The following RAP1GAP2 variants were observed in gnomAD, a reference collection of about 807,000 sequenced individuals.
RAP1GAP2 encodes rap1 GTPase-activating protein 2.
Under a neutral mutation model 95.0 loss-of-function variants are expected in RAP1GAP2, and 27 were observed. That is an observed-to-expected ratio of 0.28 (90% CI 0.21 to 0.39). The LOEUF (loss-of-function observed/expected upper bound fraction) is 0.39. Among genes scored for constraint, RAP1GAP2 ranks in the 10% least tolerant of loss-of-function variants. RAP1GAP2 has a pLI of 1.00. For missense variants in RAP1GAP2, 771 were observed against 970.0 expected, an observed-to-expected ratio of 0.79 and a Z score of 2.72; for synonymous variants, 373 against 380.9, an observed-to-expected ratio of 0.98 and a Z score of 0.24.
chr17:2,983,590 A>G (rs2045452211), intron 10 of RAP1GAP2, among the ~76,000 whole-genome samples: 1 of 152,222 alleles, frequency 6.6e-6, no homozygotes, highest in Non-Finnish European at 1.5e-5. Flanking sequence ...CAGATCACTC[A>G]AGTCGAAAGT....
Position 2,853,247 on chromosome 17 carries a change from G to A in RAP1GAP2, c.81-52037G>A, listed in dbSNP as rs117179953. Among the ~76,000 whole-genome samples, 375 of 152,104 alleles carry A rather than the reference G, an allele frequency of 2.5e-3. 10 individuals are homozygous for A. In the East Asian group the frequency reaches 0.047, roughly 19 times the overall value. On this transcript the variant is annotated intron_variant, in intron 2 of 24. Transcript: ENST00000254695. ...CCGGGGACCCGGGCCCGGGAGCTGC[G>A]AGCCGGGGCGGGCGCCGGGCTCAGG...
intron 8 of RAP1GAP2, among the ~76,000 whole-genome samples, chr17:2,967,802 A>C (rs2044682826): frequency 6.6e-6 from 1 of 152,204 alleles, no homozygotes; most frequent in Non-Finnish European, 1.5e-5. Context: ...CTACTGTCCA[A>C]ACTTCTTCCT....
At chr17:2,781,924 G>A (rs1285789684) in intron 1 of RAP1GAP2, among the ~76,000 whole-genome samples, 1 of 151,694 alleles carries the variant, frequency 6.6e-6, no homozygotes, top group Non-Finnish European at 1.5e-5. Context: ...GTGTGGGCAC[G>A]TCTCTGTGTG....
rs74648191 is a variant in RAP1GAP2, at chr17:3,008,482, C to G, written c.1494+337C>G. ...GAACATCGGCGCTTTCACCTGCCTC[C>G]TCCTGGGTTGGGGAGCCCAGGGCAG... On this transcript the variant is annotated intron_variant, in intron 17 of 24. Coordinates refer to ENST00000254695, the MANE Select transcript of RAP1GAP2 (RefSeq NM_015085.5). This position sits in a 1 kb window ranked among gnomAD's most constrained non-coding sequence, Gnocchi z 4.2. 3.7e-3 allele frequency among the ~76,000 whole-genome samples: 559 copies of G among 152,314 alleles called. 8 individuals carry two copies. In the East Asian group the frequency reaches 0.041, roughly 11 times the overall value.
chr17:2,957,900 G>T lies in RAP1GAP2; in HGVS notation c.201+106G>T, dbSNP rs892934467. On this transcript the variant is annotated intron_variant, in intron 4 of 24. Transcript: ENST00000254695. ...GCAGAAGCCGGGTGCCCTGGACGGG[G>T]GTGCAGAGAAGAGACAATTGCATCC... is the stretch of plus-strand genomic sequence containing the variant. 4.5e-5 allele frequency: 55 copies of T among 1,222,956 alleles called. No individual in the cohort carries two copies. The African/African-American group carries it at 7.9e-4, about 17-fold the overall frequency. The allele number at this position is 1,222,956 out of a possible 1,614,324, so 75.8% of individuals were successfully genotyped here.
intron 3 of RAP1GAP2, among the ~76,000 whole-genome samples, chr17:2,956,853 G>C (rs1198255120): frequency 3.9e-5 from 6 of 152,178 alleles, no homozygotes; most frequent in Non-Finnish European, 8.8e-5. Context: ...TCTAGGCTGG[G>C]CGTGGTAGCT....
chr17:2,772,933 A>G (rs1597280159), upstream of RAP1GAP2, among the ~76,000 whole-genome samples: 1 of 141,176 alleles, frequency 7.1e-6, no homozygotes, highest in Non-Finnish European at 1.5e-5. Context: ...ATCTCAGCTC[A>G]CTGCAACCTC....
intron 13 of RAP1GAP2, among the ~76,000 whole-genome samples, chr17:2,997,712 C>T (rs919543914): frequency 1.3e-5 from 2 of 151,868 alleles, no homozygotes; most frequent in Non-Finnish European, 1.5e-5. Flanking sequence ...GCGGGCTGGT[C>T]AGGAGTTTAA....
intron 2 of RAP1GAP2, among the ~76,000 whole-genome samples, chr17:2,865,934 C>G (rs2072596032): frequency 6.6e-6 from 1 of 152,252 alleles, no homozygotes; most frequent in Non-Finnish European, 1.5e-5. Flanking sequence ...AACGTTCATT[C>G]ACTCATTCAG....
chr17:2,962,884 G>C (rs1010317305), intron 5 of RAP1GAP2, 170 bp downstream of exon 5: 1 of 643,430 alleles, frequency 1.6e-6, no homozygotes, highest in African/African-American at 1.9e-5. Context: ...TGCACGGTGG[G>C]CAGCAGAGGG....
chr17:3,010,919 A>G (rs1430635174), intron 17 of RAP1GAP2, among the ~76,000 whole-genome samples: 1 of 151,492 alleles, frequency 6.6e-6, no homozygotes, highest in Non-Finnish European at 1.5e-5. Context: ...ATTTTTTTTA[A>G]ATTTTTTTAT....
At chr17:2,865,346 AC>A (rs1476252977) in intron 2 of RAP1GAP2, among the ~76,000 whole-genome samples, 1 of 152,134 alleles carries the variant, frequency 6.6e-6, no homozygotes, top group Non-Finnish European at 1.5e-5. Flanking sequence ...GGTCTCTGGA[AC>A]AGCTGGGCTT....
chr17:2,874,782 A>G (rs1422806469), intron 2 of RAP1GAP2, among the ~76,000 whole-genome samples: 1 of 152,124 alleles, frequency 6.6e-6, no homozygotes, highest in East Asian at 1.9e-4. Flanking sequence ...GTATAGCAGA[A>G]GTTCTTGAAG....
At chr17:2,923,525 G>C (rs999575703) in intron 3 of RAP1GAP2, among the ~76,000 whole-genome samples, 1 of 151,062 alleles carries the variant, frequency 6.6e-6, no homozygotes, top group African/African-American at 2.4e-5. Flanking sequence ...GTAGAGACAG[G>C]GTTTCACCAT....
chr17:2,834,321 G>GCTCA (rs2071037905), intron 2 of RAP1GAP2, among the ~76,000 whole-genome samples: 1 of 152,198 alleles, frequency 6.6e-6, no homozygotes, highest in Admixed American at 6.5e-5. Context: ...AAGGAGCTGA[G>GCTCA]CCAGCCAATT....
In RAP1GAP2 at chr17:2,789,154, C is replaced by T. The variant is rs539233503; in HGVS notation, c.-13-11361C>T. On this transcript the variant is annotated intron_variant, in intron 1 of 24. Transcript: ENST00000540393. ...CTCTGCTTCCTGGGCTCAAGTGATC[C>T]TCCCACCTCAGCCTCCCAAGTAGCT... Among the ~76,000 whole-genome samples the T allele has an allele frequency of 2.0e-5, 3 of 152,194 alleles. No homozygotes were observed. The East Asian group carries it at 5.8e-4, about 29-fold the overall frequency.
At chr17:2,936,579 C>T (rs1275783552) in intron 3 of RAP1GAP2, among the ~76,000 whole-genome samples, 3 of 152,016 alleles carry the variant, frequency 2.0e-5, no homozygotes, top group Non-Finnish European at 4.4e-5. Context: ...CAGTTAACCT[C>T]TCTGAGCTTT....
intron 3 of RAP1GAP2, among the ~76,000 whole-genome samples, chr17:2,908,788 C>T (rs2042281144): frequency 6.6e-6 from 1 of 152,022 alleles, no homozygotes; most frequent in African/African-American, 2.4e-5. Context: ...ATTCCAAGGT[C>T]ACTGCAACCT....
At chr17:3,016,171 G>A (rs1042888723) in intron 17 of RAP1GAP2, among the ~76,000 whole-genome samples, 6 of 152,252 alleles carry the variant, frequency 3.9e-5, no homozygotes, top group Middle Eastern at 3.4e-3. Flanking sequence ...TTGGCCCCTC[G>A]TGGCCCTAAG....
Sources: gnomAD v4.1 joint callset for allele counts (sites outside exome capture counted in the v4.1 genomes callset) on GRCh38, gnomAD v4.1.1 for gene constraint, Gnocchi (gnomAD v3.1) non-coding constraint, MANE v1.5 for transcripts, NCBI Gene and HGNC (gene_info 2026-07-23, HGNC 2026-07-21) for gene names.